TUBA1C: variants seen among roughly 807,000 people sequenced by gnomAD.
The protein encoded by TUBA1C is tubulin alpha-1C chain.
Under a neutral mutation model 34.9 loss-of-function variants are expected in TUBA1C, and 16 were observed. The observed-to-expected ratio is 0.46, with a 90% confidence interval of 0.31 to 0.70. The LOEUF is 0.70. TUBA1C is among the 30% of genes least tolerant of loss of function. TUBA1C has a pLI of 0.05. For synonymous variants in TUBA1C, 177 were observed against 215.9 expected (o/e 0.82, Z 1.58); for missense variants, 329 against 587.3 (o/e 0.56, Z 4.55).
intron 3 of TUBA1C, chr12:49,270,340 C>G (rs1273016021): frequency 5.1e-6 from 2 of 393,894 alleles, no homozygotes; most frequent in East Asian, 1.3e-4. Context: ...GAACAAGAAG[C>G]CAGTGTCACA....
chr12:49,254,494 A>C (rs1487304435), intron 1 of TUBA1C, among the ~76,000 whole-genome samples: 7 of 151,398 alleles, frequency 4.6e-5, no homozygotes, highest in Non-Finnish European at 7.4e-5. Context: ...CAAAAAAAAA[A>C]AAAAAAAAAA....
intron 1 of TUBA1C, among the ~76,000 whole-genome samples, chr12:49,268,251 A>G (rs1198461107): frequency 1.3e-5 from 2 of 152,126 alleles, no homozygotes; most frequent in African/African-American, 2.4e-5. Context: ...GGCGCGCACC[A>G]CCATGCCTGG....
chr12:49,269,565 A>G lies in TUBA1C; in HGVS notation c.104A>G (p.Gln35Arg), dbSNP rs1288950311. The G allele has an allele frequency of 1.9e-6, 3 of 1,614,248 alleles. No individual in the cohort carries two copies. Among genetic ancestry groups the G allele is most frequent in the South Asian group, 2.2e-5 (2 of 91,086 alleles). Residue 35 changes from glutamine to arginine, a missense_variant, in exon 2 of 4, where the codon CAG becomes CGG. This residue lies in a region of TUBA1C where 152 missense variants were observed against 240.3 expected (regional missense o/e 0.63). Coordinates refer to ENST00000301072, the MANE Select transcript of TUBA1C (RefSeq NM_032704.5). ...GAACACGGCATCCAGCCCGATGGCC[A>G]GATGCCAAGTGACAAGACCATTGGG... The part of the protein sequence containing the change: ...CLEHGIQPDG[Q>R]MPSDKTIGGG...
chr12:49,264,673 G>C (rs1225628493), upstream of TUBA1C: 1 of 153,540 alleles, frequency 6.5e-6, no homozygotes, highest in Admixed American at 6.5e-5. Flanking sequence ...CCCTCGCTGG[G>C]GTTTTGCCCA....
At chr12:49,259,883 T>C (rs1592282860) in intron 1 of TUBA1C, among the ~76,000 whole-genome samples, 2 of 152,164 alleles carry the variant, frequency 1.3e-5, no homozygotes, top group East Asian at 3.8e-4. Flanking sequence ...CAGGTGGAGA[T>C]GCAGAAAAGT....
At chr12:49,266,570 C>T (rs1463933864) in intron 1 of TUBA1C, among the ~76,000 whole-genome samples, 3 of 152,128 alleles carry the variant, frequency 2.0e-5, no homozygotes, top group African/African-American at 7.2e-5. Flanking sequence ...TATCTTAGGC[C>T]GGGCGCGATG....
chr12:49,257,743 C>T (rs1283448573), intron 1 of TUBA1C: 1 of 152,842 alleles, frequency 6.5e-6, no homozygotes, highest in Admixed American at 6.6e-5. Context: ...CATGCCAGCG[C>T]ACCCCAGCCT....
chr12:49,259,604 T>C (rs1477278438), intron 1 of TUBA1C, among the ~76,000 whole-genome samples: 3 of 152,182 alleles, frequency 2.0e-5, no homozygotes, highest in Non-Finnish European at 4.4e-5. Context: ...TTTGGAGCAA[T>C]AAGCTAGGTT....
intron 1 of TUBA1C, among the ~76,000 whole-genome samples, chr12:49,231,334 C>G (rs1942494679): frequency 6.6e-6 from 1 of 151,996 alleles, no homozygotes; most frequent in African/African-American, 2.4e-5. Flanking sequence ...ACTCCCAGCT[C>G]TAATTTTTAA....
At chr12:49,263,623 C>T (rs765011774), upstream of TUBA1C, among the ~76,000 whole-genome samples, 4 of 152,080 alleles carry the variant, frequency 2.6e-5, no homozygotes, top group Non-Finnish European at 5.9e-5. Flanking sequence ...CCACCGTGCC[C>T]GGCCAGAAAA....
At position 49,273,836 on chromosome 12, in the gene TUBA1C, G is replaced by A. The variant is rs1308382200; in HGVS notation, c.*609G>A. ...AATGCAGGTTTGGGGTCAACCTGGT[G>A]GCTCATGCACTTCGGGAGGCCAAGT... On this transcript the variant is annotated 3_prime_UTR_variant, in exon 4 of 4. Coordinates refer to ENST00000301072, the MANE Select transcript of TUBA1C (RefSeq NM_032704.5). 6.4e-6 allele frequency: 1 copy of A among 156,960 alleles called. No homozygotes were observed. The highest frequency in any genetic ancestry group is 1.4e-5 in the Non-Finnish European group (1 of 70,912). The allele number at this position is 156,960 out of a possible 1,614,324, so 9.7% of individuals were successfully genotyped here. A position where few individuals can be genotyped will look rare whatever the true frequency, so the allele number is the denominator to read the frequency against.
intron 1 of TUBA1C, among the ~76,000 whole-genome samples, chr12:49,248,439 G>T (rs893513870): frequency 2.1e-5 from 3 of 145,656 alleles, no homozygotes; most frequent in Non-Finnish European, 3.0e-5. Context: ...CGCGGTGGCG[G>T]CGCCTATAGT....
intron 1 of TUBA1C, chr12:49,228,284 T>G (rs1942460872): frequency 1.1e-5 from 10 of 948,380 alleles, no homozygotes; most frequent in Non-Finnish European, 1.5e-5. Flanking sequence ...TCATGTTTAA[T>G]TATATTGGTG....
intron 1 of TUBA1C, among the ~76,000 whole-genome samples, chr12:49,249,731 C>A (rs996553146): frequency 1.3e-5 from 2 of 151,470 alleles, no homozygotes; most frequent in East Asian, 3.9e-4. Flanking sequence ...CATGGTGGCA[C>A]GTGCCTGTAG....
intron 1 of TUBA1C, among the ~76,000 whole-genome samples, chr12:49,237,371 T>C (rs1383728760): frequency 6.7e-6 from 1 of 150,238 alleles, no homozygotes. Context: ...TGAGCCGAGA[T>C]CGTGCCATTG....
chr12:49,248,935 T>C (rs148132474), intron 1 of TUBA1C, among the ~76,000 whole-genome samples: 61 of 151,698 alleles, frequency 4.0e-4, no homozygotes, highest in African/African-American at 1.3e-3. Context: ...CCCTATGTAT[T>C]TGGAAATAAA....
chr12:49,261,029 TGGC>T, upstream of TUBA1C, among the ~76,000 whole-genome samples: 1 of 152,172 alleles, frequency 6.6e-6, no homozygotes, highest in Non-Finnish European at 1.5e-5. Flanking sequence ...CCACCTCACC[TGGC>T]TGAAATGCAT....
At chr12:49,235,424 A>G (rs1942543957) in intron 1 of TUBA1C, among the ~76,000 whole-genome samples, 1 of 151,988 alleles carries the variant, frequency 6.6e-6, no homozygotes. Flanking sequence ...TTTGTCCAGG[A>G]GAGACTCGCT....
intron 1 of TUBA1C, among the ~76,000 whole-genome samples, chr12:49,248,867 CAAAAAAAAAAA>C (rs201685193): frequency 6.6e-5 from 4 of 60,780 alleles, no homozygotes; most frequent in Admixed American, 2.0e-4. Flanking sequence ...GACTCCCTCT[CAAAAAAAAAAA>C]AAAAAAAAAA....
Sources: allele counts gnomAD v4.1 joint callset (sites outside exome capture counted in the v4.1 genomes callset), GRCh38; gene constraint gnomAD v4.1.1; regional missense constraint gnomAD v4.1.1; transcripts MANE v1.5; gene names NCBI Gene and HGNC (gene_info 2026-07-23, HGNC 2026-07-21).